The following GGNBP2 variants were observed in gnomAD, a reference collection of about 807,000 sequenced individuals.
The protein encoded by GGNBP2 is gametogenetin binding protein 2, also known as gametogenetin-binding protein 2.
Under a neutral mutation model 85.9 loss-of-function variants are expected in GGNBP2, and 10 were observed. That is an observed-to-expected ratio of 0.12 (90% confidence interval 0.07 to 0.20). The LOEUF (loss-of-function observed/expected upper bound fraction) is 0.20, where lower values mean the gene tolerates loss of function less well. Ranked by LOEUF, GGNBP2 falls within the 10% of genes least tolerant of loss-of-function variation. The pLI, the probability that GGNBP2 is intolerant of heterozygous loss-of-function variation, is 1.00. For missense variants in GGNBP2, 595 were observed against 857.8 expected (o/e 0.69, Z 3.83); for synonymous variants, 287 against 285.7 (o/e 1.00, Z -0.05).
In GGNBP2 at chr17:36,568,010, C is replaced by T. The variant is rs569253797; in HGVS notation, c.641+234C>T. Among the ~76,000 whole-genome samples, 3 of 152,106 alleles carry T rather than the reference C, an allele frequency of 2.0e-5. No individual in the cohort carries two copies. In the South Asian group the frequency reaches 6.2e-4, roughly 32 times the overall value. ...GCGCGATCTCGGCTCACTGCAACCT[C>T]TGCCTCCCAGGTTCAAGAGATTCTC... On this transcript the variant is annotated intron_variant, in intron 6 of 13. Coordinates refer to ENST00000613102, the MANE Select transcript of GGNBP2 (RefSeq NM_024835.5).
chr17:36,575,648 A>ATTTTTTTTTTTTTTT (rs71274856), intron 6 of GGNBP2, among the ~76,000 whole-genome samples: 1 of 54,908 alleles, frequency 1.8e-5, no homozygotes, highest in South Asian at 8.3e-4. Context: ...ATATATATAT[A>ATTTTTTTTTTTTTTT]TTTTTTTTTT....
chr17:36,575,221 C>A, intron 6 of GGNBP2: 1 of 640,468 alleles, frequency 1.6e-6, no homozygotes, highest in Non-Finnish European at 2.8e-6. Flanking sequence ...GGCCTCAGCC[C>A]CAGCCCCGGC....
At chr17:36,574,293 A>G (rs1211145851) in intron 6 of GGNBP2, among the ~76,000 whole-genome samples, 1 of 152,198 alleles carries the variant, frequency 6.6e-6, no homozygotes, top group Non-Finnish European at 1.5e-5. Flanking sequence ...TATAAATAAA[A>G]ATATGTATAC....
In GGNBP2 at chr17:36,546,214, C is replaced by T. The variant is rs978609157; in HGVS notation, c.93+397C>T. The T allele has an allele frequency of 8.1e-6, 3 of 372,154 alleles. No individual in the cohort carries two copies. The South Asian group carries it at 3.7e-4, about 46-fold the overall frequency. The allele number at this position is 372,154 out of a possible 1,614,324, so 23.1% of individuals were successfully genotyped here. On this transcript the variant is annotated intron_variant, in intron 2 of 13. Transcript: ENST00000613102. ...ATTACCTGGTAATGTCGCAGCTGCA[C>T]TGCTACCTGTGTATTTTCTGTTTTA...
intron 5 of GGNBP2, among the ~76,000 whole-genome samples, chr17:36,566,814 T>G (rs1207752671): frequency 6.6e-6 from 1 of 152,046 alleles, no homozygotes; most frequent in African/African-American, 2.4e-5. Flanking sequence ...TACTTATACA[T>G]GTGAAGGTAG....
intron 12 of GGNBP2, chr17:36,586,512 G>A (rs934725939): frequency 5.9e-6 from 2 of 337,664 alleles, no homozygotes; most frequent in South Asian, 8.0e-5. Context: ...TGAAGTGAAT[G>A]TATATTGGCA....
intron 10 of GGNBP2, 134 bp from the exon 11 acceptor site, chr17:36,585,706 T>A: frequency 1.4e-6 from 1 of 740,378 alleles, no homozygotes; most frequent in Non-Finnish European, 2.1e-6. Flanking sequence ...AAAAAAAAAA[T>A]CCTTCATTGG....
chr17:36,581,500 T>G lies in GGNBP2; in HGVS notation c.1177T>G (p.Leu393Val). 1 of 1,610,030 alleles carries G rather than the reference T, an allele frequency of 6.2e-7. No individual in the cohort carries two copies. Among genetic ancestry groups the G allele is most frequent in the Non-Finnish European group, 8.5e-7 (1 of 1,178,788 alleles). Residue 393 changes from leucine to valine, a missense_variant, in exon 9 of 14, where the codon TTA becomes GTA. By Grantham distance (32) the Leu-to-Val change is conservative. Around this residue, in one of 9 missense-constraint regions of GGNBP2, gnomAD observed 85 missense variants for 92.6 expected, o/e 0.92. Coordinates refer to ENST00000613102, the MANE Select transcript of GGNBP2 (RefSeq NM_024835.5). ...GTGTGTGTGTGATATTCCTACTCCC[T>G]TACAAACAGCAGATGAAAAGGAAGT... is the stretch of plus-strand genomic sequence containing the variant. ...NKCVCDIPTP[L>V]QTADEKEVSQ...
intron 13 of GGNBP2, chr17:36,587,700 A>C (rs2074716482): frequency 6.2e-6 from 1 of 160,828 alleles, no homozygotes; most frequent in African/African-American, 2.4e-5. Context: ...CATCCTGGCC[A>C]ATATGATGAA....
In GGNBP2 at chr17:36,581,296, A is replaced by G. The variant is rs976778927; in HGVS notation, c.1021-48A>G. On this transcript the variant is annotated intron_variant, in intron 8 of 13. Coordinates refer to ENST00000613102, the MANE Select transcript of GGNBP2 (RefSeq NM_024835.5). ...CAAGATTCCGTCTCAAAAAAAAAAG[A>G]AAAGAAGTTCTGACCAATATTCACC... 7 of 1,293,200 alleles carry G rather than the reference A, an allele frequency of 5.4e-6. No homozygotes were observed. The Admixed American group carries it at 9.0e-5, about 17-fold the overall frequency. The allele number at this position is 1,293,200 out of a possible 1,614,324, so 80.1% of individuals were successfully genotyped here.
At chr17:36,568,685 A>C (rs1030469148) in intron 6 of GGNBP2, among the ~76,000 whole-genome samples, 1 of 151,988 alleles carries the variant, frequency 6.6e-6, no homozygotes, top group Non-Finnish European at 1.5e-5. Flanking sequence ...AAGAGAGTTG[A>C]TATTCATGTG....
chr17:36,581,217 G>A (rs1204617827), intron 8 of GGNBP2, 127 bp from the exon 9 acceptor site: 14 of 591,080 alleles, frequency 2.4e-5, no homozygotes, highest in African/African-American at 1.9e-4. Flanking sequence ...CCCAGGAGGT[G>A]GAGCTTGCAG....
At chr17:36,565,281 A>G (rs1344745732) in intron 5 of GGNBP2, among the ~76,000 whole-genome samples, 7 of 152,178 alleles carry the variant, frequency 4.6e-5, no homozygotes, top group Admixed American at 2.6e-4. Flanking sequence ...AGTGAATGCA[A>G]TGTAAGGTTG....
In GGNBP2 at chr17:36,589,705, CTTATAA is replaced by C; in HGVS notation, c.*297_*302del. The C allele has an allele frequency of 5.0e-6, 2 of 401,306 alleles. No individual in the cohort carries two copies. Among genetic ancestry groups the C allele is most frequent in the Non-Finnish European group, 8.9e-6 (2 of 223,690 alleles). The allele number at this position is 401,306 out of a possible 1,614,324, so 24.9% of individuals were successfully genotyped here. On this transcript the variant is annotated 3_prime_UTR_variant, in exon 14 of 14. Transcript: ENST00000613102. ...CTTAGTGGCAAAAAGTAATGTTGTA[CTTATAA>C]TTCTGTACAGAAATGACAATGAGCT... is the stretch of plus-strand genomic sequence containing the variant.
chr17:36,584,029 T>G (rs1440798126), intron 9 of GGNBP2, among the ~76,000 whole-genome samples: 3 of 152,212 alleles, frequency 2.0e-5, no homozygotes, highest in African/African-American at 7.2e-5. Context: ...AGTCCAAGTA[T>G]TAGGAAGCTT....
At chr17:36,579,602 A>C (rs558264686) in intron 8 of GGNBP2, among the ~76,000 whole-genome samples, 183 bp downstream of exon 8, 1 of 152,332 alleles carries the variant, frequency 6.6e-6, no homozygotes, top group African/African-American at 2.4e-5. Context: ...TGGGATTTAG[A>C]AGAAGTTGAT....
intron 2 of GGNBP2, among the ~76,000 whole-genome samples, chr17:36,548,993 T>C (rs890129864): frequency 5.3e-5 from 8 of 152,182 alleles, no homozygotes; most frequent in African/African-American, 1.9e-4. Flanking sequence ...TGTCCATGTT[T>C]AGAAGATTCC....
intron 6 of GGNBP2, among the ~76,000 whole-genome samples, chr17:36,570,561 G>A (rs1233886287): frequency 2.0e-5 from 3 of 152,072 alleles, no homozygotes; most frequent in South Asian, 2.1e-4. Flanking sequence ...TTAGCTGGGC[G>A]TGGTGGTGGG....
Position 36,585,943 on chromosome 17 carries a change from C to A in GGNBP2, c.1470C>A (p.Gly490=). Residue 490 remains glycine, a synonymous_variant, in exon 11 of 14, where the codon GGC becomes GGA. Transcript: ENST00000613102. ...REGSDVACTE[G]ICNHDEHGDD... is the part of the protein sequence containing the mutation. ...GTTCGGATGTTGCCTGCACTGAAGG[C>A]ATTTGTAATCATGATGAACACGGTA... 5 of 1,614,148 alleles carry A rather than the reference C, an allele frequency of 3.1e-6. No individual in the cohort carries two copies. The highest frequency in any genetic ancestry group is 4.2e-6 in the Non-Finnish European group (5 of 1,180,030).
Sources: gnomAD v4.1 joint callset for allele counts (sites outside exome capture counted in the v4.1 genomes callset) on GRCh38, gnomAD v4.1.1 for gene constraint, gnomAD v4.1.1 regional missense constraint, MANE v1.5 for transcripts, NCBI Gene and HGNC (gene_info 2026-07-23, HGNC 2026-07-21) for gene names.